Variants in GLI3 observed in about 807,000 individuals in gnomAD.
GLI3 encodes the protein transcription activator GLI3.
Under a neutral mutation model 100.8 loss-of-function variants are expected in GLI3, and 20 were observed. That is an observed-to-expected ratio of 0.20 (90% CI 0.14 to 0.29). The LOEUF is 0.29. Among genes scored for constraint, GLI3 ranks in the 10% least tolerant of loss-of-function variants. GLI3 has a pLI of 1.00. For synonymous variants in GLI3, 938 were observed against 860.5 expected (o/e 1.09, Z -1.58); for missense variants, 2,040 against 2,128.5 (o/e 0.96, Z 0.82).
intron 2 of GLI3, among the ~76,000 whole-genome samples, chr7:42,177,546 T>G (rs544363261): frequency 6.6e-6 from 1 of 152,312 alleles, no homozygotes; most frequent in East Asian, 1.9e-4. Flanking sequence ...GATCCAGAAC[T>G]TAAGCCTTTG....
chr7:42,141,671 C>CAAAAATA (rs1470699221), intron 3 of GLI3, among the ~76,000 whole-genome samples: 1 of 151,508 alleles, frequency 6.6e-6, no homozygotes, highest in African/African-American at 2.4e-5. Context: ...GACTCCGCCT[C>CAAAAATA]AAAAATAAAA....
At chr7:42,253,846 A>G (rs1181002540) in intron 1 of GLI3, among the ~76,000 whole-genome samples, 2 of 152,118 alleles carry the variant, frequency 1.3e-5, no homozygotes, top group African/African-American at 2.4e-5. Context: ...TACAGGTTTA[A>G]TTGTTGAGAT....
At chr7:42,017,423 T>C (rs1196352352) in intron 10 of GLI3, among the ~76,000 whole-genome samples, 1 of 152,100 alleles carries the variant, frequency 6.6e-6, no homozygotes, top group Non-Finnish European at 1.5e-5. Context: ...AACTAATACA[T>C]GGCCGCCTCT....
intron 3 of GLI3, among the ~76,000 whole-genome samples, chr7:42,112,742 A>T (rs1785744465): frequency 6.6e-6 from 1 of 152,214 alleles, no homozygotes; most frequent in Non-Finnish European, 1.5e-5. Context: ...TGGGCTAGAA[A>T]CGTGTTCTCC....
At chr7:41,998,006 A>G (rs561562082) in intron 10 of GLI3, among the ~76,000 whole-genome samples, 1 of 152,320 alleles carries the variant, frequency 6.6e-6, no homozygotes. Flanking sequence ...CCGGCTGCAC[A>G]CTTAAAATTT....
intron 6 of GLI3, 26 bp downstream of exon 6, chr7:42,045,358 C>T (rs1378054751): frequency 3.7e-6 from 6 of 1,608,864 alleles, no homozygotes; most frequent in African/African-American, 2.7e-5. Flanking sequence ...TTTCCCAAGA[C>T]TCTAGAAACC....
intron 3 of GLI3, among the ~76,000 whole-genome samples, chr7:42,122,923 G>A (rs1237515760): frequency 6.6e-6 from 1 of 152,116 alleles, no homozygotes; most frequent in Non-Finnish European, 1.5e-5. Context: ...TAGACCTTAC[G>A]ATCAAAATGT....
chr7:42,049,002 G>T (rs1210285147), intron 4 of GLI3, among the ~76,000 whole-genome samples: 2 of 151,986 alleles, frequency 1.3e-5, no homozygotes, highest in Admixed American at 1.3e-4. Flanking sequence ...CTAAATAACA[G>T]GCAACTGGGC....
At position 41,967,642 on chromosome 7, in the gene GLI3, G is replaced by A; in HGVS notation, c.2385C>T (p.Pro795=). The A allele has an allele frequency of 6.2e-7, 1 of 1,613,946 alleles. No homozygotes were observed. The highest frequency in any genetic ancestry group is 1.7e-5 in the Admixed American group (1 of 60,028). ...QVNGMFPRLN[P]ILPPKAPAVS... ...CCGCAGGGGCTTTAGGGGGTAGAATGGGGTTCAGTCGCGGAAACATTCCAT... is the reference window on the plus strand; with the variant it reads ...CCGCAGGGGCTTTAGGGGGTAGAATAGGGTTCAGTCGCGGAAACATTCCAT... Residue 795 remains proline, a synonymous_variant, in exon 14 of 15, where the codon CCC becomes CCT. Transcript: ENST00000395925.
Position 42,102,732 on chromosome 7 carries a change from C to A in GLI3, c.368-25875G>T, listed in dbSNP as rs187253244. 3.7e-4 allele frequency among the ~76,000 whole-genome samples: 56 copies of A among 152,326 alleles called. 1 individual carries two copies. In the East Asian group the frequency reaches 9.7e-3, roughly 26 times the overall value. ...AGACGTAAATTATCTAAGGCTCAGA[C>A]ATGGTGAGCTGAACTGCAGGTGAAC... On this transcript the variant is annotated intron_variant, in intron 3 of 14. Coordinates refer to ENST00000395925, the MANE Select transcript of GLI3 (RefSeq NM_000168.6).
At chr7:42,130,196 C>A (rs1366479178) in intron 3 of GLI3, among the ~76,000 whole-genome samples, 1 of 152,100 alleles carries the variant, frequency 6.6e-6, no homozygotes, top group African/African-American at 2.4e-5. Context: ...CACCCTATTT[C>A]CCTAAAGGAA....
Position 42,182,754 on chromosome 7 carries a change from T to A in GLI3, c.125-34286A>T, listed in dbSNP as rs1315715892. On this transcript the variant is annotated intron_variant, in intron 2 of 14. Transcript: ENST00000395925. ...CACACACACACACACACAGAGGAAT[T>A]TTTTTGGCAAACAAGAGTCCCAAAC... Among the ~76,000 whole-genome samples, 10 of 140,558 alleles carry A rather than the reference T, an allele frequency of 7.1e-5. No homozygotes were observed. The South Asian group carries it at 2.3e-3, about 32-fold the overall frequency. The allele number at this position is 140,558 out of a possible 152,430, so 92.2% of individuals were successfully genotyped here.
chr7:42,002,843 T>C (rs1788343997), intron 10 of GLI3, among the ~76,000 whole-genome samples: 1 of 152,226 alleles, frequency 6.6e-6, no homozygotes, highest in Non-Finnish European at 1.5e-5. Context: ...AGACTCACAG[T>C]GACTTGTTTC....
chr7:42,172,167 C>A (rs1276048026), intron 2 of GLI3, among the ~76,000 whole-genome samples: 1 of 151,932 alleles, frequency 6.6e-6, no homozygotes, highest in Non-Finnish European at 1.5e-5. Flanking sequence ...TGTACGTAGG[C>A]CCGTTATCTC....
At position 42,026,854 on chromosome 7, in the gene GLI3, T is replaced by C. The variant is rs10280343; in HGVS notation, c.1029-442A>G. Among the ~76,000 whole-genome samples, 405 of 152,244 alleles carry C rather than the reference T, an allele frequency of 2.7e-3. 4 individuals carry two copies. Among genetic ancestry groups the C allele is most frequent in the African/African-American group, 9.1e-3 (376 of 41,542 alleles). On this transcript the variant is annotated intron_variant, in intron 7 of 14. Transcript: ENST00000395925. Reference sequence around the variant, plus strand: ...GATCTTATTACAAGAGGAAAGAAAATCAATTGGTTAAATGTGTTTTGAACA... The same window carrying C: ...GATCTTATTACAAGAGGAAAGAAAACCAATTGGTTAAATGTGTTTTGAACA...
upstream of GLI3, among the ~76,000 whole-genome samples, chr7:42,239,726 C>A (rs190685920): frequency 6.6e-6 from 1 of 152,154 alleles, no homozygotes; most frequent in Non-Finnish European, 1.5e-5. Context: ...GCTAATCTTT[C>A]CCCCTATGCC....
chr7:41,964,433 A>G lies in GLI3; in HGVS notation c.4640T>C (p.Phe1547Ser). 6.2e-7 allele frequency: 1 copy of G among 1,614,072 alleles called. No individual in the cohort carries two copies. Among genetic ancestry groups the G allele is most frequent in the African/African-American group, 1.3e-5 (1 of 75,020 alleles). ...RLTTPRASLP[F>S]PALSMSTTNM... ...GGTGGTGCTCATGGACAGCGCTGGG[A>G]ATGGGAGGGACGCCCGAGGCGTGGT... Residue 1547 changes from phenylalanine (F) to serine (S), a missense_variant, in exon 15 of 15, where the codon TTC becomes TCC. Physicochemically the swap from Phe to Ser is radical, Grantham distance 155. Transcript: ENST00000395925.
intron 1 of GLI3, among the ~76,000 whole-genome samples, chr7:42,247,411 T>A (rs1788987235): frequency 6.6e-6 from 1 of 152,164 alleles, no homozygotes; most frequent in African/African-American, 2.4e-5. Flanking sequence ...TAAGAACTTC[T>A]AACCATGACA....
chr7:42,075,324 A>G (rs1583533985), intron 4 of GLI3, among the ~76,000 whole-genome samples: 1 of 152,226 alleles, frequency 6.6e-6, no homozygotes, highest in Non-Finnish European at 1.5e-5. Flanking sequence ...CAAAGGCTCC[A>G]GTCTGGGAGG....
Sources: gnomAD v4.1 joint callset for allele counts (sites outside exome capture counted in the v4.1 genomes callset) on GRCh38, gnomAD v4.1.1 for gene constraint, MANE v1.5 for transcripts, NCBI Gene and HGNC (gene_info 2026-07-23, HGNC 2026-07-21) for gene names.